Variants in SLC7A9 observed in about 807,000 individuals in gnomAD.
The protein encoded by SLC7A9 is B(0,+)-type amino acid transporter 1.
Under a neutral mutation model 54.1 loss-of-function variants are expected in SLC7A9, and 38 were observed. The observed-to-expected ratio is 0.70, with a 90% CI of 0.54 to 0.92. The LOEUF (loss-of-function observed/expected upper bound fraction) is 0.92. SLC7A9 is among the 40% of genes least tolerant of loss of function. SLC7A9 has a pLI of 0.00. For synonymous variants in SLC7A9, 264 were observed against 258.9 expected, an observed-to-expected ratio of 1.02 and a Z score of -0.19; for missense variants, 537 against 636.1, an observed-to-expected ratio of 0.84 and a Z score of 1.68.
intron 7 of SLC7A9, 90 bp from the exon 8 acceptor site, chr19:32,860,054 G>T: frequency 6.2e-7 from 1 of 1,609,272 alleles, no homozygotes. Flanking sequence ...CCAGGGAGAA[G>T]ATTCGCAGGT....
At chr19:32,857,270 C>G (rs370872257) in intron 9 of SLC7A9, among the ~76,000 whole-genome samples, 1 of 151,774 alleles carries the variant, frequency 6.6e-6, no homozygotes. Flanking sequence ...ATGGTGAAAC[C>G]CCATCTTGAC....
chr19:32,868,324 C>G, intron 2 of SLC7A9, 124 bp downstream of exon 2: 2 of 719,460 alleles, frequency 2.8e-6, no homozygotes, highest in Non-Finnish European at 5.1e-6. Flanking sequence ...ATGTACTTCA[C>G]AAATCAAAGA....
chr19:32,858,705 C>T (rs554201612), intron 8 of SLC7A9, among the ~76,000 whole-genome samples, 162 bp from the exon 9 acceptor site: 1 of 152,234 alleles, frequency 6.6e-6, no homozygotes, highest in South Asian at 2.1e-4. Flanking sequence ...GAACGCCACT[C>T]GCCTATCTCC....
chr19:32,842,176 GCCTTTCCAGCTCTTT>G lies in SLC7A9; in HGVS notation c.1201_1215del (p.Lys401_Arg405del), dbSNP rs1968145446. The G allele has an allele frequency of 6.2e-7, 1 of 1,613,970 alleles. No homozygotes were observed. Among genetic ancestry groups the G allele is most frequent in the Admixed American group, 1.7e-5 (1 of 59,990 alleles). On this transcript the variant is annotated inframe_deletion, in exon 11 of 13. Transcript: ENST00000023064. ...TGGGGCTGCAAGCTTACCTTGATAG[GCCTTTCCAGCTCTTT>G]CCTTGTAAATCTCATCACGATGAGT...
intron 9 of SLC7A9, among the ~76,000 whole-genome samples, chr19:32,855,620 T>TGA (rs199547444): frequency 0.017 from 2,542 of 152,038 alleles, 64 homozygotes; most frequent in African/African-American, 0.059. Flanking sequence ...GAGAATGGCG[T>TGA]GAACCTGGGA....
intron 9 of SLC7A9, among the ~76,000 whole-genome samples, chr19:32,844,944 C>G (rs1968242237): frequency 1.4e-5 from 2 of 141,316 alleles, no homozygotes; most frequent in Middle Eastern, 4.0e-3. Flanking sequence ...GCAGGCGGAT[C>G]ATGAGATTAG....
rs553177413 is a variant in SLC7A9 at position 32,834,713 on chromosome 19, G to A, written c.1225-1390C>T. 2.6e-5 allele frequency among the ~76,000 whole-genome samples: 4 copies of A among 152,262 alleles called. No homozygotes were observed. In the South Asian group the frequency reaches 8.3e-4, roughly 32 times the overall value. ...GATTAATTTTGGTATTCTCTTATTA[G>A]GAACAAAGTTAAGTTTGCTGGGATT... On this transcript the variant is annotated intron_variant, in intron 11 of 12. Transcript: ENST00000023064.
At chr19:32,834,789 TTTTG>T (rs1027229786) in intron 11 of SLC7A9, among the ~76,000 whole-genome samples, 4 of 152,156 alleles carry the variant, frequency 2.6e-5, no homozygotes, top group African/African-American at 9.7e-5. Flanking sequence ...GACTGTGTTT[TTTTG>T]TTTGTTTTGT....
intron 11 of SLC7A9, among the ~76,000 whole-genome samples, chr19:32,834,829 C>G (rs186975646): frequency 6.6e-6 from 1 of 152,166 alleles, no homozygotes; most frequent in East Asian, 1.9e-4. Flanking sequence ...CTCGCTCTGT[C>G]GCTCAGGCTG....
intron 10 of SLC7A9, 123 bp from the exon 11 acceptor site, chr19:32,842,440 A>C: frequency 1.1e-6 from 1 of 914,240 alleles, no homozygotes. Flanking sequence ...ACTTCTAGGC[A>C]TTCCTTCATA....
chr19:32,848,623 A>G (rs1661116861), intron 9 of SLC7A9, among the ~76,000 whole-genome samples: 3 of 152,214 alleles, frequency 2.0e-5, no homozygotes, highest in Admixed American at 2.0e-4. Context: ...TAGACAGATC[A>G]ACAAGACAGA....
intron 8 of SLC7A9, 82 bp downstream of exon 8, chr19:32,859,759 G>GA: frequency 8.6e-7 from 1 of 1,156,762 alleles, no homozygotes; most frequent in South Asian, 1.2e-5. Context: ...CCCTGGGAGG[G>GA]AGCTCACCTC....
rs771205937 is a variant in SLC7A9 at position 32,864,687 on chromosome 19, C to T, written c.177G>A (p.Thr59=). 2.6e-5 allele frequency: 42 copies of T among 1,614,042 alleles called. No homozygotes were observed. The highest frequency in any genetic ancestry group is 1.6e-4 in the Middle Eastern group (1 of 6,082). The change falls in exon 3 of 13, where the codon ACG becomes ACA. Residue 59 remains threonine, a synonymous_variant. Transcript: ENST00000023064. ...TGATGAGGCAGGGCCCCACAGCTTC[C>T]GTGTTGCTGAGCACAGACTTGGGGG... ...FVSPKSVLSN[T]EAVGPCLIIW...
rs1467045270 is a variant in SLC7A9 at position 32,862,283 on chromosome 19, G to A, written c.605-66C>T. The A allele has an allele frequency of 8.9e-6, 13 of 1,454,148 alleles. No homozygotes were observed. In the South Asian group the frequency reaches 1.4e-4, roughly 15 times the overall value. 90.1% of individuals were successfully genotyped at this position (1,454,148 alleles called of 1,614,324 possible). On this transcript the variant is annotated intron_variant, in intron 5 of 12. Coordinates refer to ENST00000023064, the MANE Select transcript of SLC7A9 (RefSeq NM_014270.5). ...GCAGATCTTGAGTGTATCTCCACGG[G>A]AAAGATGGGCATGATTGTGACCCCA... is the stretch of plus-strand genomic sequence containing the variant.
intron 7 of SLC7A9, chr19:32,860,313 T>C (rs2145839527): frequency 7.2e-7 from 1 of 1,384,150 alleles, no homozygotes; most frequent in South Asian, 1.5e-5. Flanking sequence ...TCCCAGCACT[T>C]TGGGAGGCCG....
At chr19:32,864,075 G>A in intron 4 of SLC7A9, 21 bp downstream of exon 4, 1 of 1,613,754 alleles carries the variant, frequency 6.2e-7, no homozygotes, top group African/African-American at 1.3e-5. Flanking sequence ...TCTGACCCCT[G>A]CCCTGGGCTC....
chr19:32,859,212 C>T (rs1032062975), intron 8 of SLC7A9, among the ~76,000 whole-genome samples: 4 of 152,220 alleles, frequency 2.6e-5, no homozygotes, highest in East Asian at 1.9e-4. Flanking sequence ...TGATCCTTGC[C>T]TCAGTCTTCT....
chr19:32,844,812 T>C (rs957314997), intron 9 of SLC7A9, among the ~76,000 whole-genome samples: 3 of 119,206 alleles, frequency 2.5e-5, no homozygotes, highest in South Asian at 2.9e-4. Context: ...GATCGCACCA[T>C]TGCACTCCAG....
chr19:32,863,999 T>C, intron 4 of SLC7A9, 97 bp downstream of exon 4: 1 of 1,588,002 alleles, frequency 6.3e-7, no homozygotes, highest in Non-Finnish European at 8.6e-7. Context: ...GCCTGGGCTC[T>C]CACCAGAGAC....
Sources: allele counts gnomAD v4.1 joint callset (sites outside exome capture counted in the v4.1 genomes callset), GRCh38; gene constraint gnomAD v4.1.1; transcripts MANE v1.5; gene names NCBI Gene and HGNC (gene_info 2026-07-23, HGNC 2026-07-21).